The following UGT1A5 variants were observed in gnomAD, a reference collection of about 807,000 sequenced individuals.
UGT1A5 encodes the protein UDP glucuronosyltransferase family 1 member A5.
Under a neutral mutation model 40.3 loss-of-function variants are expected in UGT1A5, and 29 were observed. The observed-to-expected ratio is 0.72, with a 90% CI of 0.54 to 0.98. The LOEUF (loss-of-function observed/expected upper bound fraction) is 0.98, where lower values mean the gene tolerates loss of function less well. Among genes scored for constraint, UGT1A5 ranks in the 50% least tolerant of loss-of-function variants. UGT1A5 has a pLI of 0.00. For synonymous variants in UGT1A5, 257 were observed against 262.5 expected, an observed-to-expected ratio of 0.98 and a Z score of 0.20; for missense variants, 678 against 677.9, an observed-to-expected ratio of 1.00 and a Z score of 0.00.
chr2:233,772,269 G>C lies in UGT1A5; in HGVS notation c.1315G>C (p.Glu439Gln), dbSNP rs868814380. The C allele has an allele frequency of 1.2e-6, 2 of 1,614,106 alleles. No homozygotes were observed. The highest frequency in any genetic ancestry group is 1.7e-6 in the Non-Finnish European group (2 of 1,180,050). Residue 439 changes from glutamate to glutamine, a missense_variant, in exon 5 of 5, where the codon GAG becomes CAG. Transcript: ENST00000373414. ...AACTGTCTTTGTGTTTAGTTACAAG[G>C]AGAACATCATGCGCCTCTCCAGCCT... The part of the protein sequence containing the change: ...KAVINDKSYK[E>Q]NIMRLSSLHK...
intron 1 of UGT1A5, among the ~76,000 whole-genome samples, chr2:233,724,290 G>A: frequency 7.3e-6 from 1 of 136,758 alleles, no homozygotes. Flanking sequence ...GCGGGGGGCT[G>A]ACCCCCCCAC....
At chr2:233,747,916 C>A in intron 1 of UGT1A5, 1 of 1,613,518 alleles carries the variant, frequency 6.2e-7, no homozygotes, top group South Asian at 1.1e-5. Context: ...GCAAGCCTTG[C>A]CTCTGAGCTT....
In UGT1A5 at chr2:233,766,921, C is replaced by T. The variant is rs6708136; in HGVS notation, c.868-113C>T. 45,255 of 1,558,610 alleles carry T rather than the reference C, an allele frequency of 0.029. 712 individuals are homozygous for T. The highest frequency in any genetic ancestry group is 0.049 in the African/African-American group (3,601 of 72,856). Reference sequence around the variant, plus strand: ...ATAATTTTTTACTCTATCTCAAACACGCATGCCTTTAATCATAGTCTTAAG... The same window carrying T: ...ATAATTTTTTACTCTATCTCAAACATGCATGCCTTTAATCATAGTCTTAAG... On this transcript the variant is annotated intron_variant, in intron 1 of 4. Coordinates refer to ENST00000373414, the MANE Select transcript of UGT1A5 (RefSeq NM_019078.2).
chr2:233,719,370 G>T, intron 1 of UGT1A5: 1 of 1,613,830 alleles, frequency 6.2e-7, no homozygotes. Context: ...AGACTTTAAG[G>T]GCACACAGTG....
intron 1 of UGT1A5, chr2:233,747,460 C>G: frequency 6.2e-7 from 1 of 1,608,790 alleles, no homozygotes; most frequent in South Asian, 1.1e-5. Context: ...TATGCCATTT[C>G]ATGGACCCAG....
intron 1 of UGT1A5, among the ~76,000 whole-genome samples, chr2:233,720,460 C>G (rs1575532860): frequency 6.6e-6 from 1 of 151,992 alleles, no homozygotes; most frequent in Non-Finnish European, 1.5e-5. Context: ...GAAGCTGGGA[C>G]CAGTGATGAA....
chr2:233,724,557 GAT>G (rs2077281527), intron 1 of UGT1A5, among the ~76,000 whole-genome samples: 1 of 126,690 alleles, frequency 7.9e-6, no homozygotes, highest in Non-Finnish European at 1.7e-5. Flanking sequence ...TCACATCCCA[GAT>G]GGGGCGGCGG....
intron 1 of UGT1A5, chr2:233,729,157 T>C (rs3821242): frequency 0.46 from 737,600 of 1,613,154 alleles, 172,577 homozygotes; most frequent in African/African-American, 0.64. Flanking sequence ...TCCCCTGCCG[T>C]GGCTGGCCAC....
chr2:233,772,918 G>T lies in UGT1A5; in HGVS notation c.*359G>T. The stretch of plus-strand genomic sequence containing the variant: ...CCCACGGCTGCCCCTACTGCAAATG[G>T]CAGTTTTAATCTTATCTTTTGGCTT... On this transcript the variant is annotated 3_prime_UTR_variant, in exon 5 of 5. Coordinates refer to ENST00000373414, the MANE Select transcript of UGT1A5 (RefSeq NM_019078.2). 5.3e-6 allele frequency: 2 copies of T among 377,338 alleles called. No homozygotes were observed. The highest frequency in any genetic ancestry group is 2.9e-5 in the South Asian group (1 of 34,748). The allele number at this position is 377,338 out of a possible 1,614,324, so 23.4% of individuals were successfully genotyped here.
intron 1 of UGT1A5, among the ~76,000 whole-genome samples, chr2:233,733,067 T>G (rs1039618890): frequency 2.0e-5 from 3 of 152,180 alleles, no homozygotes; most frequent in Non-Finnish European, 4.4e-5. Flanking sequence ...ATTCTCTTTG[T>G]AGCAATTGTG....
chr2:233,767,641 T>G (rs941477411), intron 2 of UGT1A5, among the ~76,000 whole-genome samples: 5 of 152,170 alleles, frequency 3.3e-5, no homozygotes, highest in African/African-American at 1.2e-4. Flanking sequence ...TATCACAAAT[T>G]CACGTAGTGC....
At chr2:233,743,851 C>G in intron 1 of UGT1A5, 1 of 1,367,244 alleles carries the variant, frequency 7.3e-7, no homozygotes, top group Non-Finnish European at 9.8e-7. Context: ...GCTTGCGGTA[C>G]GCCTTCTTGA....
At chr2:233,718,649 C>G (rs1013351620) in intron 1 of UGT1A5, 2 of 1,502,938 alleles carry the variant, frequency 1.3e-6, no homozygotes, top group South Asian at 1.3e-5. Context: ...GGGCCCATAA[C>G]GAAAGGCAGT....
At chr2:233,772,160 G>A in intron 4 of UGT1A5, 102 bp from the exon 5 acceptor site, 1 of 1,565,444 alleles carries the variant, frequency 6.4e-7, no homozygotes, top group Non-Finnish European at 8.7e-7. Flanking sequence ...CCTTTCCCAA[G>A]TTTGGAAAAT....
intron 1 of UGT1A5, chr2:233,747,682 G>A: frequency 6.2e-7 from 1 of 1,608,610 alleles, no homozygotes; most frequent in Admixed American, 1.7e-5. Flanking sequence ...ATTTACCTCT[G>A]TGGGGCAGTG....
chr2:233,758,823 C>T (rs1559405168), intron 1 of UGT1A5, among the ~76,000 whole-genome samples: 1 of 152,154 alleles, frequency 6.6e-6, no homozygotes, highest in African/African-American at 2.4e-5. Flanking sequence ...GTATATCCCC[C>T]CCAAAAAGAG....
Position 233,769,043 on chromosome 2 carries a change from C to T in UGT1A5, c.1307+604C>T, listed in dbSNP as rs1699778649. 6.6e-6 allele frequency among the ~76,000 whole-genome samples: 1 copy of T among 152,118 alleles called. No individual in the cohort carries two copies. The highest frequency in any genetic ancestry group is 1.5e-5 in the Non-Finnish European group (1 of 68,028). On this transcript the variant is annotated intron_variant, in intron 4 of 4. Coordinates refer to ENST00000373414, the MANE Select transcript of UGT1A5 (RefSeq NM_019078.2). This position sits in a 1 kb window ranked among gnomAD's most constrained non-coding sequence, Gnocchi z 4.4. ...AAAGTTGCCATAATAGACATCTGATCCATAAGTTTCCTGCACAGAAAGAAA... is the reference window on the plus strand; with the variant it reads ...AAAGTTGCCATAATAGACATCTGATTCATAAGTTTCCTGCACAGAAAGAAA...
intron 1 of UGT1A5, among the ~76,000 whole-genome samples, chr2:233,717,094 ACTAT>A (rs2076547098): frequency 6.6e-6 from 1 of 152,186 alleles, no homozygotes; most frequent in Admixed American, 6.5e-5. Flanking sequence ...AGATGACATC[ACTAT>A]CTAAATAAAA....
intron 1 of UGT1A5, chr2:233,729,685 T>C (rs1293517562): frequency 6.2e-7 from 1 of 1,613,978 alleles, no homozygotes; most frequent in Admixed American, 1.7e-5. Context: ...GGGCACACAG[T>C]GTCCAAACCC....
Sources: gnomAD v4.1 joint callset for allele counts (sites outside exome capture counted in the v4.1 genomes callset) on GRCh38, gnomAD v4.1.1 for gene constraint, Gnocchi (gnomAD v3.1) non-coding constraint, MANE v1.5 for transcripts, NCBI Gene and HGNC (gene_info 2026-07-23, HGNC 2026-07-21) for gene names.